NSD1: variants seen among roughly 807,000 people sequenced by gnomAD.
NSD1 encodes histone-lysine N-methyltransferase, H3 lysine-36 specific.
In NSD1, 26 loss-of-function variants were observed where a neutral mutation model predicts 242.7. The observed-to-expected ratio is 0.11, with a 90% CI of 0.08 to 0.15. NSD1 has a LOEUF of 0.15. Ranked by LOEUF, NSD1 falls within the 10% of genes least tolerant of loss-of-function variation. The pLI, the probability that NSD1 is intolerant of heterozygous loss-of-function variation, is 1.00. For missense variants in NSD1, 2,495 were observed against 3,272.8 expected, an observed-to-expected ratio of 0.76 and a Z score of 5.80; for synonymous variants, 1,106 against 1,178.1, an observed-to-expected ratio of 0.94 and a Z score of 1.25.
intron 2 of NSD1, among the ~76,000 whole-genome samples, chr5:177,139,109 G>A (rs1227371788): frequency 6.6e-5 from 10 of 151,954 alleles, no homozygotes; most frequent in Middle Eastern, 3.4e-3. Context: ...AAATTAGCTA[G>A]GCATGGTGGC....
chr5:177,186,706 A>T (rs912092871), intron 2 of NSD1, among the ~76,000 whole-genome samples: 9 of 152,132 alleles, frequency 5.9e-5, no homozygotes, highest in African/African-American at 2.2e-4. Context: ...TAAGGAATAT[A>T]AGGTGGCCGT....
intron 2 of NSD1, among the ~76,000 whole-genome samples, chr5:177,180,465 A>G (rs548433321): frequency 6.6e-6 from 1 of 152,022 alleles, no homozygotes; most frequent in African/African-American, 2.4e-5. Flanking sequence ...TATGTTAGTC[A>G]GGCTGGTCTT....
At chr5:177,246,627 T>C (rs1351564656) in intron 9 of NSD1, 51 bp from the exon 10 acceptor site, 3 of 1,193,890 alleles carry the variant, frequency 2.5e-6, no homozygotes, top group African/African-American at 1.5e-5. Flanking sequence ...ATAAGAGATT[T>C]TGGACATGTG....
At chr5:177,289,537 C>A (rs1759610800) in intron 21 of NSD1, among the ~76,000 whole-genome samples, 1 of 152,110 alleles carries the variant, frequency 6.6e-6, no homozygotes, top group Admixed American at 6.6e-5. Flanking sequence ...GTCTTGATCT[C>A]ACATCTCCTA....
At chr5:177,281,514 T>G (rs369510862) in intron 18 of NSD1, among the ~76,000 whole-genome samples, 1 of 152,114 alleles carries the variant, frequency 6.6e-6, no homozygotes, top group South Asian at 2.1e-4. Context: ...ACGAGAGATA[T>G]GGCCTATACT....
intron 2 of NSD1, among the ~76,000 whole-genome samples, chr5:177,186,954 G>A (rs1761284109): frequency 6.6e-6 from 1 of 151,924 alleles, no homozygotes; most frequent in Admixed American, 6.6e-5. Flanking sequence ...AAGAAAATGG[G>A]AGGTTTTAAA....
intron 5 of NSD1, among the ~76,000 whole-genome samples, chr5:177,217,813 G>A (rs762861323): frequency 1.7e-4 from 26 of 151,612 alleles, no homozygotes; most frequent in Middle Eastern, 3.2e-3. Context: ...GATTACAGGC[G>A]CCTGACACCA....
intron 2 of NSD1, among the ~76,000 whole-genome samples, chr5:177,184,409 T>C (rs1284166985): frequency 6.6e-6 from 1 of 152,252 alleles, no homozygotes; most frequent in African/African-American, 2.4e-5. Flanking sequence ...GCCATTCGTA[T>C]GTCTTTTTGA....
intron 21 of NSD1, among the ~76,000 whole-genome samples, chr5:177,291,431 G>A (rs1759815635): frequency 6.6e-6 from 1 of 152,094 alleles, no homozygotes; most frequent in African/African-American, 2.4e-5. Flanking sequence ...AAAGCGGGTG[G>A]GTCACAAGGT....
intron 2 of NSD1, chr5:177,137,373 T>C (rs938651307): frequency 6.5e-6 from 1 of 153,220 alleles, no homozygotes; most frequent in African/African-American, 2.4e-5. Context: ...TATGTTGTTA[T>C]TCTGAGTTCA....
intron 2 of NSD1, among the ~76,000 whole-genome samples, chr5:177,177,864 C>T (rs1760334508): frequency 6.6e-6 from 1 of 152,022 alleles, no homozygotes; most frequent in South Asian, 2.1e-4. Context: ...TAATTTTTTG[C>T]ATATTCTGTT....
At position 177,133,958 on chromosome 5, in the gene NSD1, T is replaced by C. The variant is rs1164587956; in HGVS notation, c.-18+6T>C. ...GGGAGGGGGCGCGGGGCACGGTAAC[T>C]AGTGCGCTGGGGTGGGCGGCGGGCA... On this transcript the variant is annotated splice_donor_region_variant and intron_variant, in intron 1 of 22. Transcript: ENST00000439151. The surrounding 1 kb of genome is among the most constrained non-coding windows in gnomAD (Gnocchi z 6.2). 2.9e-4 allele frequency: 41 copies of C among 141,272 alleles called. No homozygotes were observed. The highest frequency in any genetic ancestry group is 9.8e-4 in the Admixed American group (14 of 14,286). The allele number at this position is 141,272 out of a possible 1,614,324, so 8.8% of individuals were successfully genotyped here.
At chr5:177,159,002 A>T (rs1323022688) in intron 2 of NSD1, among the ~76,000 whole-genome samples, 1 of 78,572 alleles carries the variant, frequency 1.3e-5, no homozygotes, top group Non-Finnish European at 2.3e-5. Context: ...ATGATTTTAT[A>T]TATATATATA....
intron 8 of NSD1, among the ~76,000 whole-genome samples, chr5:177,243,584 C>A (rs1766054443): frequency 6.6e-6 from 1 of 152,198 alleles, no homozygotes; most frequent in African/African-American, 2.4e-5. Flanking sequence ...TTTCTCCATC[C>A]ATTTCAGTCA....
chr5:177,244,120 C>A, intron 8 of NSD1, 75 bp from the exon 9 acceptor site: 1 of 1,069,882 alleles, frequency 9.3e-7, no homozygotes, highest in South Asian at 1.3e-5. Context: ...GCTGACAATT[C>A]AGACTTTGGC....
chr5:177,163,624 C>T (rs1758938464), intron 2 of NSD1, among the ~76,000 whole-genome samples: 1 of 152,160 alleles, frequency 6.6e-6, no homozygotes, highest in Admixed American at 6.6e-5. Context: ...GTACATGGCA[C>T]ATGGTAGGTA....
At chr5:177,287,827 T>C (rs2127268847) in intron 20 of NSD1, among the ~76,000 whole-genome samples, 1 of 152,322 alleles carries the variant, frequency 6.6e-6, no homozygotes, top group East Asian at 1.9e-4. Flanking sequence ...TCCTACAGCA[T>C]GACCCTAACG....
At chr5:177,289,906 C>T (rs556359047) in intron 21 of NSD1, among the ~76,000 whole-genome samples, 13 of 150,724 alleles carry the variant, frequency 8.6e-5, no homozygotes, top group Middle Eastern at 3.4e-3. Context: ...CGGCTCACTG[C>T]AAGCTCCGTC....
At chr5:177,281,247 C>T (rs1758849258) in intron 18 of NSD1, among the ~76,000 whole-genome samples, 1 of 151,794 alleles carries the variant, frequency 6.6e-6, no homozygotes, top group Admixed American at 6.6e-5. Context: ...AAGGTTAAGC[C>T]TTATTGGATG....
Sources: gnomAD v4.1 joint callset for allele counts (sites outside exome capture counted in the v4.1 genomes callset) on GRCh38, gnomAD v4.1.1 for gene constraint, Gnocchi (gnomAD v3.1) non-coding constraint, MANE v1.5 for transcripts, NCBI Gene and HGNC (gene_info 2026-07-23, HGNC 2026-07-21) for gene names.